VTI1A: variants seen among roughly 807,000 people sequenced by gnomAD.
VTI1A encodes the protein vesicle transport through interaction with t-SNAREs 1A, also known as vesicle transport through interaction with t-SNAREs homolog 1A.
VTI1A carries 22 observed loss-of-function variants against 34.9 expected under a neutral mutation model. The ratio of observed to expected loss-of-function variants is 0.63; its 90% CI spans 0.45 to 0.90. The LOEUF is 0.90. VTI1A is among the 40% of genes least tolerant of loss of function. The probability of loss-of-function intolerance (pLI) is 0.00; values close to 1 mark genes in which losing one functional copy is unlikely to be tolerated. For missense variants in VTI1A, 268 were observed against 275.6 expected (o/e 0.97, Z 0.20); for synonymous variants, 87 against 97.3 (o/e 0.89, Z 0.62).
intron 7 of VTI1A, among the ~76,000 whole-genome samples, chr10:112,744,504 G>T (rs1336645923): frequency 6.8e-6 from 1 of 146,482 alleles, no homozygotes; most frequent in African/African-American, 2.6e-5. Context: ...GCCCAGGCTG[G>T]CACAACCATG....
chr10:112,851,767 A>C, the VTI1A span, among the ~76,000 whole-genome samples: 3 of 152,184 alleles, frequency 2.0e-5, no homozygotes, highest in African/African-American at 7.2e-5. Flanking sequence ...TGAGAACTGT[A>C]GGGAACCTTT....
intron 3 of VTI1A, among the ~76,000 whole-genome samples, chr10:112,490,785 T>C (rs1243538597): frequency 6.6e-6 from 1 of 152,102 alleles, no homozygotes; most frequent in African/African-American, 2.4e-5. Flanking sequence ...TGAAATCTAT[T>C]GGGTAAACAT....
chr10:112,826,742 A>G, the VTI1A span: 1 of 152,154 alleles, frequency 6.6e-6, no homozygotes, highest in African/African-American at 2.4e-5. Flanking sequence ...AGGCATCCCC[A>G]TTTCAGAACA....
At chr10:112,485,477 T>C (rs561467632) in intron 3 of VTI1A, among the ~76,000 whole-genome samples, 1 of 152,308 alleles carries the variant, frequency 6.6e-6, no homozygotes, top group East Asian at 1.9e-4. Context: ...TAGTCCTTAT[T>C]TACCTTATCA....
downstream of VTI1A, among the ~76,000 whole-genome samples, chr10:112,821,087 G>C (rs1172648283): frequency 6.6e-6 from 1 of 152,162 alleles, no homozygotes; most frequent in Non-Finnish European, 1.5e-5. Flanking sequence ...CTCGTTACTC[G>C]TGCTACATGA....
intron 3 of VTI1A, among the ~76,000 whole-genome samples, chr10:112,485,573 G>A (rs1382570340): frequency 6.6e-6 from 1 of 152,204 alleles, no homozygotes; most frequent in African/African-American, 2.4e-5. Context: ...TCTGATGAAA[G>A]CTGACGTTTT....
chr10:112,657,660 A>T (rs1847281189), intron 5 of VTI1A, among the ~76,000 whole-genome samples: 1 of 152,234 alleles, frequency 6.6e-6, no homozygotes, highest in African/African-American at 2.4e-5. Context: ...AAACTCTTAG[A>T]AGAAAATACA....
chr10:112,502,113 G>C (rs564996593), intron 3 of VTI1A, among the ~76,000 whole-genome samples: 1 of 146,336 alleles, frequency 6.8e-6, no homozygotes, highest in South Asian at 2.2e-4. Flanking sequence ...CTGCAGCCTC[G>C]ACCTCCTGGA....
At chr10:112,699,341 C>A (rs1848908909) in intron 7 of VTI1A, among the ~76,000 whole-genome samples, 1 of 152,202 alleles carries the variant, frequency 6.6e-6, no homozygotes, top group Non-Finnish European at 1.5e-5. Flanking sequence ...AAGGTGCTGG[C>A]AGATCTGCTG....
rs1284598902 is a variant in VTI1A, at chr10:112,536,173, T to TAACTA, written c.343-2070_343-2066dup. 6.6e-5 allele frequency among the ~76,000 whole-genome samples: 10 copies of TAACTA among 152,354 alleles called. No homozygotes were observed. The East Asian group carries it at 1.7e-3, about 26-fold the overall frequency. ...TCTTTGTTTTTTTGTAAATCTCTAA[T>TAACTA]AACTAAATGTTTTCTTTTAATTTTG... On this transcript the variant is annotated intron_variant, in intron 4 of 7. Coordinates refer to ENST00000393077, the MANE Select transcript of VTI1A (RefSeq NM_145206.4).
chr10:112,743,013 CGTGTGTGTGTGTGTGTGT>C (rs10612255), intron 7 of VTI1A, among the ~76,000 whole-genome samples: 12 of 141,890 alleles, frequency 8.5e-5, no homozygotes, highest in Admixed American at 4.2e-4. Context: ...GACCTATTCT[CGTGTGTGTGTGTGTGTGT>C]GTGTGTGTGT....
chr10:112,597,979 G>T (rs1474190021), intron 5 of VTI1A, among the ~76,000 whole-genome samples: 1 of 152,004 alleles, frequency 6.6e-6, no homozygotes, highest in African/African-American at 2.4e-5. Flanking sequence ...TTACAGGCAT[G>T]AGCCACCGCG....
intron 7 of VTI1A, among the ~76,000 whole-genome samples, chr10:112,680,143 C>T (rs1347527875): frequency 2.0e-5 from 3 of 152,164 alleles, no homozygotes; most frequent in Non-Finnish European, 4.4e-5. Context: ...ACAAGGAACA[C>T]TTATTTTGAA....
intron 5 of VTI1A, among the ~76,000 whole-genome samples, chr10:112,644,096 T>A (rs1433883234): frequency 6.6e-6 from 1 of 152,238 alleles, no homozygotes; most frequent in African/African-American, 2.4e-5. Flanking sequence ...CTGCAAAGTA[T>A]GTGCATCACC....
intron 4 of VTI1A, among the ~76,000 whole-genome samples, chr10:112,531,533 A>G (rs1245713623): frequency 6.6e-6 from 1 of 152,058 alleles, no homozygotes; most frequent in Admixed American, 6.6e-5. Context: ...CCCATTACCT[A>G]GCTTGGCTAC....
At chr10:112,780,877 C>A (rs1234576345) in intron 7 of VTI1A, among the ~76,000 whole-genome samples, 1 of 152,150 alleles carries the variant, frequency 6.6e-6, no homozygotes, top group East Asian at 1.9e-4. Flanking sequence ...GGCCTTTGCA[C>A]ATGCTGTGCC....
chr10:112,504,134 C>A (rs1418027089), intron 3 of VTI1A, among the ~76,000 whole-genome samples: 1 of 152,100 alleles, frequency 6.6e-6, no homozygotes, highest in Non-Finnish European at 1.5e-5. Flanking sequence ...GGAAAACTTA[C>A]CTAGAAGATG....
chr10:112,464,645 C>T lies in VTI1A; in HGVS notation c.252C>T (p.Leu84=), dbSNP rs955550763. The T allele has an allele frequency of 3.1e-6, 5 of 1,610,676 alleles. No homozygotes were observed. The African/African-American group carries it at 4.0e-5, about 13-fold the overall frequency. Residue 84 remains leucine (L), a synonymous_variant, in exon 3 of 8, where the codon CTC becomes CTT. Coordinates refer to ENST00000393077, the MANE Select transcript of VTI1A (RefSeq NM_145206.4). ...MRSYKQEMGK[L]ETDFKRSRIA... ...GCTACAAACAAGAAATGGGAAAACT[C>T]GAAACAGATTTTGTGAGTCAAATTC...
At chr10:112,781,111 A>G (rs1183342371) in intron 7 of VTI1A, among the ~76,000 whole-genome samples, 1 of 151,904 alleles carries the variant, frequency 6.6e-6, no homozygotes. Context: ...TGGCCGGGTA[A>G]TTTTTTGTAG....
Sources: allele counts gnomAD v4.1 joint callset (sites outside exome capture counted in the v4.1 genomes callset), GRCh38; gene constraint gnomAD v4.1.1; transcripts MANE v1.5; gene names NCBI Gene and HGNC (gene_info 2026-07-23, HGNC 2026-07-21).